FAF1: variants seen among roughly 807,000 people sequenced by gnomAD.
The protein encoded by FAF1 is FAS-associated factor 1.
Under a neutral mutation model 92.5 loss-of-function variants are expected in FAF1, and 25 were observed. The observed-to-expected ratio is 0.27, with a 90% CI of 0.20 to 0.38. The LOEUF (loss-of-function observed/expected upper bound fraction) is 0.38, where lower values mean the gene tolerates loss of function less well. Among genes scored for constraint, FAF1 ranks in the 10% least tolerant of loss-of-function variants. The pLI is 1.00. For missense variants in FAF1, 636 were observed against 793.3 expected (o/e 0.80, Z 2.38); for synonymous variants, 234 against 273.2 (o/e 0.86, Z 1.42).
chr1:50,647,626 AG>A (rs1430849972), intron 8 of FAF1, among the ~76,000 whole-genome samples: 3 of 152,264 alleles, frequency 2.0e-5, no homozygotes, highest in African/African-American at 7.2e-5. Flanking sequence ...AATAGCCAAA[AG>A]TCAACCATGT....
rs150012473 is a variant in FAF1, at chr1:50,874,235, G to A, written c.46-16238C>T. On this transcript the variant is annotated intron_variant, in intron 1 of 18. Transcript: ENST00000396153. ...GGGTCTTCAGTCTACCAGACCATTT[G>A]AAAGTCTATTGTTTATTATTTTCTT... 9.9e-5 allele frequency among the ~76,000 whole-genome samples: 15 copies of A among 152,182 alleles called. No homozygotes were observed. In the East Asian group the frequency reaches 2.9e-3, roughly 29 times the overall value.
At position 50,490,448 on chromosome 1, in the gene FAF1, GA is replaced by G. The variant is rs1557966718; in HGVS notation, c.1653+139del. 41 of 340,470 alleles carry G rather than the reference GA, an allele frequency of 1.2e-4. 1 individual carries two copies. The highest frequency in any genetic ancestry group is 1.1e-3 in the East Asian group (37 of 33,316). The allele number at this position is 340,470 out of a possible 1,614,324, so 21.1% of individuals were successfully genotyped here. ...GGAAGGAAGGAAGGAAGGAAGGAAG[GA>G]AGGAAGGAAGGAAAAAGAAAGAAGG... On this transcript the variant is annotated intron_variant, in intron 17 of 18. Coordinates refer to ENST00000396153, the MANE Select transcript of FAF1 (RefSeq NM_007051.3).
At chr1:50,831,978 G>T (rs1644157881) in intron 2 of FAF1, among the ~76,000 whole-genome samples, 1 of 151,922 alleles carries the variant, frequency 6.6e-6, no homozygotes, top group South Asian at 2.1e-4. Context: ...GCATGCGAGG[G>T]ATCTAGGCTG....
chr1:50,781,513 C>T (rs1277355795), intron 4 of FAF1, among the ~76,000 whole-genome samples: 1 of 152,064 alleles, frequency 6.6e-6, no homozygotes, highest in African/African-American at 2.4e-5. Context: ...GAAGCAAACA[C>T]TGACAAAACT....
Position 50,641,092 on chromosome 1 carries a change from A to G in FAF1, c.744+14350T>C, listed in dbSNP as rs370693177. 3.3e-5 allele frequency among the ~76,000 whole-genome samples: 5 copies of G among 152,204 alleles called. No individual in the cohort carries two copies. The East Asian group carries it at 9.6e-4, about 29-fold the overall frequency. ...CATGATCCACCTGCCTCAGCCTCCT[A>G]AAGTGCTGGGATTACAGGTGTGAGC... On this transcript the variant is annotated intron_variant, in intron 8 of 18. Coordinates refer to ENST00000396153, the MANE Select transcript of FAF1 (RefSeq NM_007051.3).
chr1:50,729,058 A>ATTTTTTTTTT (rs1195852048), intron 6 of FAF1, among the ~76,000 whole-genome samples: 22 of 70,116 alleles, frequency 3.1e-4, no homozygotes, highest in African/African-American at 1.2e-3. Flanking sequence ...ATATATATAT[A>ATTTTTTTTTT]TTTTTTTTTT....
chr1:50,954,562 A>G (rs1427937750), intron 1 of FAF1, among the ~76,000 whole-genome samples: 2 of 72,392 alleles, frequency 2.8e-5, no homozygotes, highest in Admixed American at 3.4e-4. Context: ...TTTTTTTTTG[A>G]GAGAGTCTTA....
intron 18 of FAF1, among the ~76,000 whole-genome samples, chr1:50,471,983 G>A (rs1447747750): frequency 6.6e-6 from 1 of 152,104 alleles, no homozygotes; most frequent in Non-Finnish European, 1.5e-5. Flanking sequence ...AAGGAAAGAG[G>A]AGAGAAAACG....
At chr1:50,764,205 T>G (rs1256010339) in intron 4 of FAF1, among the ~76,000 whole-genome samples, 2 of 152,190 alleles carry the variant, frequency 1.3e-5, no homozygotes, top group Non-Finnish European at 2.9e-5. Context: ...ATTTTTAACT[T>G]CCTCAGTTTT....
At chr1:50,933,464 T>G (rs1301363694) in intron 1 of FAF1, among the ~76,000 whole-genome samples, 1 of 152,174 alleles carries the variant, frequency 6.6e-6, no homozygotes, top group Non-Finnish European at 1.5e-5. Context: ...TGCCAACAAG[T>G]TCCTCATCTC....
chr1:50,652,771 T>C (rs1228801723), intron 8 of FAF1, among the ~76,000 whole-genome samples: 1 of 152,206 alleles, frequency 6.6e-6, no homozygotes, highest in Non-Finnish European at 1.5e-5. Context: ...CAGACATCAC[T>C]TCATTTCTTT....
intron 5 of FAF1, among the ~76,000 whole-genome samples, chr1:50,744,019 C>A (rs374461640): frequency 1.3e-5 from 2 of 151,720 alleles, no homozygotes; most frequent in Non-Finnish European, 2.9e-5. Context: ...TGCAGTGAGG[C>A]GAGATCATGC....
chr1:50,799,694 T>C (rs1350189113), intron 3 of FAF1, among the ~76,000 whole-genome samples: 3 of 152,236 alleles, frequency 2.0e-5, no homozygotes, highest in African/African-American at 4.8e-5. Context: ...TAGTATTTGA[T>C]ACCTCCTTTC....
chr1:50,866,524 G>A (rs1158591941), intron 1 of FAF1, among the ~76,000 whole-genome samples: 1 of 152,016 alleles, frequency 6.6e-6, no homozygotes, highest in South Asian at 2.1e-4. Context: ...ACACAAATCA[G>A]TAGCACTGCT....
chr1:50,441,221 G>C lies in FAF1; in HGVS notation c.*219C>G, dbSNP rs1318827426. 2.2e-6 allele frequency: 1 copy of C among 452,646 alleles called. No homozygotes were observed. Among genetic ancestry groups the C allele is most frequent in the Admixed American group, 3.9e-5 (1 of 25,758 alleles). 28.0% of individuals were successfully genotyped at this position (452,646 alleles called of 1,614,324 possible). A position where few individuals can be genotyped will look rare whatever the true frequency, so the allele number is the denominator to read the frequency against. Reference sequence around the variant, plus strand: ...GCAGGGGGTAGGGGAGGGTGGCAGAGTTGTAATTCTCTGTAATAAGGGTTG... The same window carrying C: ...GCAGGGGGTAGGGGAGGGTGGCAGACTTGTAATTCTCTGTAATAAGGGTTG... On this transcript the variant is annotated 3_prime_UTR_variant, in exon 19 of 19. Coordinates refer to ENST00000396153, the MANE Select transcript of FAF1 (RefSeq NM_007051.3).
At chr1:50,760,546 C>A (rs1220848742) in intron 4 of FAF1, among the ~76,000 whole-genome samples, 2 of 152,154 alleles carry the variant, frequency 1.3e-5, no homozygotes, top group Admixed American at 1.3e-4. Flanking sequence ...TTTAAAACTG[C>A]TCAACTACAT....
At chr1:50,702,021 C>G (rs1657495896) in intron 7 of FAF1, among the ~76,000 whole-genome samples, 1 of 152,044 alleles carries the variant, frequency 6.6e-6, no homozygotes, top group African/African-American at 2.4e-5. Context: ...ACTTAGGTTT[C>G]TTATTGTTAT....
chr1:50,953,476 G>A (rs906708138), intron 1 of FAF1, among the ~76,000 whole-genome samples: 2 of 151,918 alleles, frequency 1.3e-5, no homozygotes, highest in Admixed American at 6.6e-5. Context: ...GGCTCACAGC[G>A]CCTGTAATCC....
chr1:50,910,889 C>T (rs1308076953), intron 1 of FAF1, among the ~76,000 whole-genome samples: 1 of 151,972 alleles, frequency 6.6e-6, no homozygotes, highest in Non-Finnish European at 1.5e-5. Context: ...ACCCACTGTC[C>T]AACAAGCCCC....
Sources: allele counts gnomAD v4.1 joint callset (sites outside exome capture counted in the v4.1 genomes callset), GRCh38; gene constraint gnomAD v4.1.1; transcripts MANE v1.5; gene names NCBI Gene and HGNC (gene_info 2026-07-23, HGNC 2026-07-21).